The following COL4A4 variants were observed in gnomAD, a reference collection of about 807,000 sequenced individuals.
COL4A4 encodes the protein collagen type IV alpha 4 chain.
Under a neutral mutation model 192.9 loss-of-function variants are expected in COL4A4, and 105 were observed. That is an observed-to-expected ratio of 0.54 (90% CI 0.46 to 0.64). The LOEUF (loss-of-function observed/expected upper bound fraction) is 0.64. Among genes scored for constraint, COL4A4 ranks in the 30% least tolerant of loss-of-function variants. The pLI is 0.00. For synonymous variants in COL4A4, 762 were observed against 769.9 expected (o/e 0.99, Z 0.17); for missense variants, 1,967 against 2,169.3 (o/e 0.91, Z 1.85).
chr2:227,121,425 C>T (rs974313597), intron 4 of COL4A4, among the ~76,000 whole-genome samples: 1 of 151,720 alleles, frequency 6.6e-6, no homozygotes, highest in Admixed American at 6.6e-5. Context: ...ATTAGCTGGG[C>T]ATGGTGGCGT....
At chr2:227,065,819 T>A (rs2058297937) in intron 25 of COL4A4, among the ~76,000 whole-genome samples, 1 of 152,094 alleles carries the variant, frequency 6.6e-6, no homozygotes, top group Non-Finnish European at 1.5e-5. Context: ...CCAGAGCACC[T>A]CTCCTCTTCC....
At chr2:227,110,567 G>A (rs572672831) in intron 9 of COL4A4, among the ~76,000 whole-genome samples, 3 of 151,976 alleles carry the variant, frequency 2.0e-5, no homozygotes, top group Non-Finnish European at 4.4e-5. Flanking sequence ...ATTTTTAGTA[G>A]AGACGGGGTT....
At chr2:227,067,122 G>T (rs753146627) in intron 25 of COL4A4, among the ~76,000 whole-genome samples, 5 of 152,038 alleles carry the variant, frequency 3.3e-5, no homozygotes, top group Non-Finnish European at 7.4e-5. Context: ...GACAAAGAAG[G>T]CCATTACATA....
chr2:226,996,844 C>G, the COL4A4 span: 1 of 152,078 alleles, frequency 6.6e-6, no homozygotes, highest in South Asian at 2.1e-4. Context: ...GTCAAGAAAA[C>G]AGACTTAAAA....
chr2:227,146,682 G>A (rs2063570186), intron 2 of COL4A4, among the ~76,000 whole-genome samples: 1 of 152,128 alleles, frequency 6.6e-6, no homozygotes, highest in Admixed American at 6.6e-5. Context: ...GAGGTCCCCG[G>A]GGAGAATCTG....
chr2:227,114,333 A>G (rs1031679771), intron 8 of COL4A4, among the ~76,000 whole-genome samples: 3 of 129,188 alleles, frequency 2.3e-5, no homozygotes, highest in Non-Finnish European at 4.7e-5. Flanking sequence ...TCAGCCCCAC[A>G]CCAAATGAAT....
chr2:227,092,107 G>A (rs1559601233), intron 20 of COL4A4, among the ~76,000 whole-genome samples: 1 of 151,986 alleles, frequency 6.6e-6, no homozygotes, highest in Non-Finnish European at 1.5e-5. Context: ...AAGGAAAATG[G>A]ATTTCAAAAC....
At chr2:227,159,520 GT>G (rs2064643741) in intron 1 of COL4A4, among the ~76,000 whole-genome samples, 1 of 152,182 alleles carries the variant, frequency 6.6e-6, no homozygotes. Flanking sequence ...TAATGATATG[GT>G]TTGACTTTGT....
At chr2:227,018,789 C>T (rs1248214938) in intron 44 of COL4A4, among the ~76,000 whole-genome samples, 1 of 152,178 alleles carries the variant, frequency 6.6e-6, no homozygotes, top group Non-Finnish European at 1.5e-5. Context: ...GGAAGGCCCT[C>T]CTGTGGCCAC....
At chr2:227,112,030 G>A (rs1039211908) in intron 8 of COL4A4, among the ~76,000 whole-genome samples, 1 of 151,994 alleles carries the variant, frequency 6.6e-6, no homozygotes, top group African/African-American at 2.4e-5. Context: ...ACCTGTTGCT[G>A]GTGTCTTTCC....
At chr2:227,037,803 C>T (rs1457889044) in intron 37 of COL4A4, among the ~76,000 whole-genome samples, 6 of 152,142 alleles carry the variant, frequency 3.9e-5, no homozygotes, top group African/African-American at 1.4e-4. Context: ...GATGGTATCT[C>T]ATTGTGGTTT....
At position 227,031,933 on chromosome 2, in the gene COL4A4, A is replaced by T; in HGVS notation, c.3817+12T>A. 13 of 1,550,532 alleles carry T rather than the reference A, an allele frequency of 8.4e-6. No homozygotes were observed. Among genetic ancestry groups the T allele is most frequent in the Non-Finnish European group, 1.2e-5 (13 of 1,122,134 alleles). ...GGGAGCACTGCCATCCTTTGTCATG[A>T]TTCTCTCATACCTCTTGGGCCATCA... On this transcript the variant is annotated intron_variant, in intron 40 of 47. Coordinates refer to ENST00000396625, the MANE Select transcript of COL4A4 (RefSeq NM_000092.5).
In COL4A4 at chr2:227,094,200, G is replaced by C; in HGVS notation, c.1294C>G (p.Pro432Ala). Reference sequence around the variant, plus strand: ...GATCCTGGCTTCCCTGGTTTTCCTGGAGCAGAATCAGGTCTCCCAGGAATA... The same window carrying C: ...GATCCTGGCTTCCCTGGTTTTCCTGCAGCAGAATCAGGTCTCCCAGGAATA... ...AGIPGRPDSAPGKPGKPGSPG... is the reference protein window; with the variant it reads ...AGIPGRPDSAAGKPGKPGSPG... Residue 432 changes from proline (P) to alanine (A), a missense_variant, in exon 20 of 48, where the codon CCA becomes GCA. Physicochemically the swap from Pro to Ala is conservative, Grantham distance 27 (BLOSUM62 -1). Transcript: ENST00000396625. The C allele has an allele frequency of 6.2e-7, 1 of 1,613,774 alleles. No homozygotes were observed. Among genetic ancestry groups the C allele is most frequent in the African/African-American group, 1.3e-5 (1 of 75,024 alleles).
intron 45 of COL4A4, 52 bp downstream of exon 45, chr2:227,012,129 A>G: frequency 7.1e-7 from 1 of 1,409,676 alleles, no homozygotes; most frequent in Non-Finnish European, 1.0e-6. Flanking sequence ...GATTTTGTAT[A>G]CAACTCTAAG....
At chr2:227,147,832 TATATATTTTTAAATATAAA>T (rs2063649048) in intron 1 of COL4A4, among the ~76,000 whole-genome samples, 1 of 148,424 alleles carries the variant, frequency 6.7e-6, no homozygotes, top group South Asian at 2.1e-4. Context: ...ATTTTTAAAA[TATATATTTTTAAATATAAA>T]ATATATTTTT....
chr2:227,060,609 T>C (rs748289093), intron 26 of COL4A4, among the ~76,000 whole-genome samples: 57 of 152,328 alleles, frequency 3.7e-4, no homozygotes, highest in Non-Finnish European at 1.5e-4. Context: ...TGGTGGCCAG[T>C]GTCTACCTTG....
rs1309386574 is a variant in COL4A4, at chr2:227,003,899, G to A, written c.*3426C>T. The A allele has an allele frequency of 1.3e-5, 2 of 152,106 alleles. No individual in the cohort carries two copies. Among genetic ancestry groups the A allele is most frequent in the African/African-American group, 4.8e-5 (2 of 41,410 alleles). The allele number at this position is 152,106 out of a possible 1,614,324, so 9.4% of individuals were successfully genotyped here. On this transcript the variant is annotated 3_prime_UTR_variant, in exon 48 of 48. Transcript: ENST00000396625. ...TTGAAAGCTTATCAATTGGCTTTCT[G>A]GCAATAATTGTAACAAGAGAATGTG...
At chr2:226,971,719 T>C in the COL4A4 span, among the ~76,000 whole-genome samples, 1 of 152,190 alleles carries the variant, frequency 6.6e-6, no homozygotes, top group Non-Finnish European at 1.5e-5. Flanking sequence ...TTGTTTCTTT[T>C]GGTTTGTTTT....
At chr2:227,106,776 G>T (rs2060871198) in intron 12 of COL4A4, among the ~76,000 whole-genome samples, 1 of 152,176 alleles carries the variant, frequency 6.6e-6, no homozygotes, top group African/African-American at 2.4e-5. Flanking sequence ...ATGTTCGCCA[G>T]GCTGGTCTCG....
Sources: allele counts gnomAD v4.1 joint callset (sites outside exome capture counted in the v4.1 genomes callset), GRCh38; gene constraint gnomAD v4.1.1; transcripts MANE v1.5; gene names NCBI Gene and HGNC (gene_info 2026-07-23, HGNC 2026-07-21).